The following RANBP10 variants were observed in gnomAD, a reference collection of about 807,000 sequenced individuals.
RANBP10 encodes ran-binding protein 10.
In RANBP10, 24 loss-of-function variants were observed where a neutral mutation model predicts 72.8. The ratio of observed to expected loss-of-function variants is 0.33; its 90% CI spans 0.24 to 0.46. The LOEUF (loss-of-function observed/expected upper bound fraction) is 0.46, where lower values mean the gene tolerates loss of function less well. Among genes scored for constraint, RANBP10 ranks in the 20% least tolerant of loss-of-function variants. The pLI, the probability that RANBP10 is intolerant of heterozygous loss-of-function variation, is 1.00. For missense variants in RANBP10, 679 were observed against 817.5 expected (o/e 0.83, Z 2.07); for synonymous variants, 310 against 322.3 (o/e 0.96, Z 0.41).
chr16:67,731,688 A>G, intron 6 of RANBP10, 104 bp from the exon 7 acceptor site: 1 of 769,410 alleles, frequency 1.3e-6, no homozygotes, highest in Non-Finnish European at 2.1e-6. Flanking sequence ...CTCCCTAAAC[A>G]CGTCCTGGAG....
chr16:67,745,488 C>T (rs539602745), intron 3 of RANBP10, among the ~76,000 whole-genome samples: 3 of 152,008 alleles, frequency 2.0e-5, no homozygotes, highest in Admixed American at 2.0e-4. Context: ...GTGTGCGCCA[C>T]CATGCCCAGC....
chr16:67,774,016 C>G (rs909605035), intron 2 of RANBP10, among the ~76,000 whole-genome samples: 1 of 152,210 alleles, frequency 6.6e-6, no homozygotes, highest in South Asian at 2.1e-4. Context: ...AGAAAAACTG[C>G]AGCCCAAATA....
chr16:67,754,162 G>A (rs1300184906), intron 3 of RANBP10, among the ~76,000 whole-genome samples: 3 of 151,060 alleles, frequency 2.0e-5, no homozygotes, highest in Non-Finnish European at 4.4e-5. Flanking sequence ...AGACAAGGAA[G>A]ATGGGTGGAA....
In RANBP10 at chr16:67,724,365, CTTATTTG is replaced by C. The variant is rs2142999459; in HGVS notation, c.*2056_*2062del. ...TCACTTAATCTCCTGGGCCTGTTTC[CTTATTTG>C]TAGCAAGAGAGGAATGGGGGAGATG... On this transcript the variant is annotated 3_prime_UTR_variant, in exon 14 of 14. Coordinates refer to ENST00000317506, the MANE Select transcript of RANBP10 (RefSeq NM_020850.3). 1 of 152,282 alleles carries C rather than the reference CTTATTTG, an allele frequency of 6.6e-6. No individual in the cohort carries two copies. The highest frequency in any genetic ancestry group is 2.4e-5 in the African/African-American group (1 of 41,514). The allele number at this position is 152,282 out of a possible 1,614,324, so 9.4% of individuals were successfully genotyped here.
intron 2 of RANBP10, among the ~76,000 whole-genome samples, chr16:67,772,765 G>A (rs1567701264): frequency 6.6e-6 from 1 of 152,040 alleles, no homozygotes; most frequent in Non-Finnish European, 1.5e-5. Flanking sequence ...ATGCAACCTG[G>A]GCTCCTGTGG....
In RANBP10 at chr16:67,806,292, G is replaced by C. The variant is rs759602357; in HGVS notation, c.235+10C>G. 1.6e-5 allele frequency: 26 copies of C among 1,601,514 alleles called. No individual in the cohort carries two copies. Among genetic ancestry groups the C allele is most frequent in the Non-Finnish European group, 1.9e-5 (22 of 1,172,954 alleles). On this transcript the variant is annotated intron_variant, in intron 1 of 13. Transcript: ENST00000317506. The stretch of plus-strand genomic sequence containing the variant: ...TAGCCTTAATTCCCCCCAGCCTGAC[G>C]GGCCGATACCTTTGTAGTGGACGCG...
intron 5 of RANBP10, among the ~76,000 whole-genome samples, chr16:67,736,794 G>T (rs1162936439): frequency 6.6e-6 from 1 of 152,222 alleles, no homozygotes; most frequent in Non-Finnish European, 1.5e-5. Flanking sequence ...GCCCCTCTCT[G>T]GGGCTTCCAG....
chr16:67,726,290 G>C lies in RANBP10; in HGVS notation c.*138C>G, dbSNP rs774144902. ...GAGAAAGGAAGGAAGGAAGGAAAGG[G>C]AGAGGGGGAAAGGCCAGGCAGGAGG... On this transcript the variant is annotated 3_prime_UTR_variant, in exon 14 of 14. Transcript: ENST00000317506. 5.6e-4 allele frequency: 720 copies of C among 1,292,122 alleles called. 1 individual carries two copies. The highest frequency in any genetic ancestry group is 6.9e-4 in the Non-Finnish European group (642 of 935,006). 80.0% of individuals were successfully genotyped at this position (1,292,122 alleles called of 1,614,324 possible).
At chr16:67,727,562 G>T in intron 12 of RANBP10, 124 bp from the exon 13 acceptor site, 1 of 1,319,700 alleles carries the variant, frequency 7.6e-7, no homozygotes, top group Non-Finnish European at 1.1e-6. Context: ...TGTAGGGTCG[G>T]GCAGGGCTGT....
intron 2 of RANBP10, among the ~76,000 whole-genome samples, chr16:67,803,601 G>A (rs1258375405): frequency 6.9e-6 from 1 of 145,482 alleles, no homozygotes; most frequent in East Asian, 2.0e-4. Context: ...GGTGAGCTGA[G>A]ATTGCGCCAT....
intron 2 of RANBP10, among the ~76,000 whole-genome samples, chr16:67,795,453 C>T (rs1005206968): frequency 4.7e-5 from 7 of 148,686 alleles, no homozygotes; most frequent in African/African-American, 2.5e-5. Flanking sequence ...GCAGGAGAAT[C>T]GCTTGAACCC....
chr16:67,801,750 T>G (rs1476149787), intron 2 of RANBP10, among the ~76,000 whole-genome samples: 2 of 151,080 alleles, frequency 1.3e-5, no homozygotes, highest in Non-Finnish European at 3.0e-5. Context: ...AGGCTAGGAG[T>G]TGGAGACCAG....
chr16:67,727,618 C>T, intron 12 of RANBP10, 133 bp downstream of exon 12: 3 of 1,423,758 alleles, frequency 2.1e-6, no homozygotes, highest in Non-Finnish European at 2.9e-6. Flanking sequence ...CCAGTGGGCC[C>T]AGATGCCCCA....
rs1384983623 is a variant in RANBP10 at position 67,738,054 on chromosome 16, A to G, written c.569-19T>C. 2.1e-5 allele frequency: 33 copies of G among 1,584,888 alleles called. No individual in the cohort carries two copies. Among genetic ancestry groups the G allele is most frequent in the Non-Finnish European group, 3.4e-6 (4 of 1,164,468 alleles). The stretch of plus-strand genomic sequence containing the variant: ...GCTATACCTGTGGGGGGAAAGGAAC[A>G]GTCATCAGGGCCAGCCCCTGGGGCT... On this transcript the variant is annotated intron_variant, in intron 4 of 13. Transcript: ENST00000317506.
chr16:67,795,917 T>A (rs1267076496), intron 2 of RANBP10, among the ~76,000 whole-genome samples: 1 of 141,538 alleles, frequency 7.1e-6, no homozygotes, highest in African/African-American at 2.6e-5. Context: ...ATATTTTGAT[T>A]TTTTTTTTTT....
chr16:67,767,005 G>C (rs942704204), intron 3 of RANBP10, among the ~76,000 whole-genome samples: 1 of 152,196 alleles, frequency 6.6e-6, no homozygotes, highest in Non-Finnish European at 1.5e-5. Context: ...ACAAAGACAA[G>C]TGCAATATCC....
rs1003842305 is a variant in RANBP10, at chr16:67,731,646, T to A, written c.777-62A>T. ...ACTGCACTTCTCACTGACTACCCAA[T>A]GGACTCAGGACAGATTACCTCCCCC... On this transcript the variant is annotated intron_variant, in intron 6 of 13. Coordinates refer to ENST00000317506, the MANE Select transcript of RANBP10 (RefSeq NM_020850.3). 21 of 1,290,078 alleles carry A rather than the reference T, an allele frequency of 1.6e-5. No homozygotes were observed. The African/African-American group carries it at 3.1e-4, about 19-fold the overall frequency. 79.9% of individuals were successfully genotyped at this position (1,290,078 alleles called of 1,614,324 possible).
intron 3 of RANBP10, among the ~76,000 whole-genome samples, chr16:67,757,870 G>T (rs952991569): frequency 6.6e-6 from 1 of 152,084 alleles, no homozygotes; most frequent in Non-Finnish European, 1.5e-5. Context: ...CTGGGTGCAG[G>T]GTCTTCTCTT....
At chr16:67,727,500 T>C in intron 12 of RANBP10, 62 bp from the exon 13 acceptor site, 1 of 1,505,776 alleles carries the variant, frequency 6.6e-7, no homozygotes, top group Non-Finnish European at 9.1e-7. Flanking sequence ...CTGCTACCCG[T>C]GGCTCCAGAG....
Sources: gnomAD v4.1 joint callset for allele counts (sites outside exome capture counted in the v4.1 genomes callset) on GRCh38, gnomAD v4.1.1 for gene constraint, MANE v1.5 for transcripts, NCBI Gene and HGNC (gene_info 2026-07-23, HGNC 2026-07-21) for gene names.